Variants in TMEM154 observed in about 807,000 individuals in gnomAD.
TMEM154 encodes transmembrane protein 154.
A neutral mutation model predicts 24.5 loss-of-function variants in TMEM154; 27 were observed. The ratio of observed to expected loss-of-function variants is 1.10; its 90% CI spans 0.81 to 1.52. The LOEUF is 1.52. Among genes scored for constraint, TMEM154 ranks in the 40% most tolerant of loss-of-function variants. TMEM154 has a pLI of 0.00. For synonymous variants in TMEM154, 67 were observed against 76.8 expected (o/e 0.87, Z 0.67); for missense variants, 228 against 213.4 (o/e 1.07, Z -0.43).
rs1456791860 is a variant in TMEM154, at chr4:152,626,276, G to C, written c.*2270C>G. 6.6e-6 allele frequency: 1 copy of C among 152,572 alleles called. No homozygotes were observed. The highest frequency in any genetic ancestry group is 1.5e-5 in the Non-Finnish European group (1 of 68,044). 9.5% of individuals were successfully genotyped at this position (152,572 alleles called of 1,614,324 possible). On this transcript the variant is annotated 3_prime_UTR_variant, in exon 7 of 7. Transcript: ENST00000304385. The stretch of plus-strand genomic sequence containing the variant: ...TTGTTCTGATTGCCCTATCCAATTA[G>C]GGCAAATTAGTGAGGGTTTTTTTGG...
In TMEM154 at chr4:152,631,724, G is replaced by A. The variant is rs192462165; in HGVS notation, c.537-3163C>T. Among the ~76,000 whole-genome samples, 8 of 150,580 alleles carry A rather than the reference G, an allele frequency of 5.3e-5. No individual in the cohort carries two copies. The South Asian group carries it at 1.7e-3, about 32-fold the overall frequency. On this transcript the variant is annotated intron_variant, in intron 6 of 6. Coordinates refer to ENST00000304385, the MANE Select transcript of TMEM154 (RefSeq NM_152680.3). ...GGGGTTACAGGTGTGAGCCACCATG[G>A]CCAGCCAGCCTATTGTGTTTTTTGA...
chr4:152,646,905 A>T (rs1282895625), intron 3 of TMEM154: 1 of 701,774 alleles, frequency 1.4e-6, no homozygotes, highest in Non-Finnish European at 2.6e-6. Context: ...GCCTGTTTAA[A>T]GGGGTAGTTT....
Position 152,679,916 on chromosome 4 carries a change from T to G in TMEM154, c.18A>C (p.Ala6=). The change falls in exon 1 of 7, where the codon GCA becomes GCC. Residue 6 remains alanine, a synonymous_variant. Transcript: ENST00000304385. MQAPR[A]ALVFALVIAL... is the part of the protein sequence containing the mutation. ...CGATCACCAGGGCGAAGACTAGGGC[T>G]GCGCGGGGAGCCTGCATGTCCGCTC... The G allele has an allele frequency of 6.2e-7, 1 of 1,610,698 alleles. No homozygotes were observed. Among genetic ancestry groups the G allele is most frequent in the African/African-American group, 1.3e-5 (1 of 75,054 alleles).
rs4312739 is a variant in TMEM154 at position 152,626,318 on chromosome 4, T to C, written c.*2228A>G. 0.95 allele frequency: 145,323 copies of C among 152,574 alleles called. 69,314 individuals are homozygous for C. The highest frequency in any genetic ancestry group is 0.98 in the Non-Finnish European group (66,382 of 68,014). The allele number at this position is 152,574 out of a possible 1,614,324, so 9.5% of individuals were successfully genotyped here. ...TTTTTTTGGTTTTTGTTTTGTTTTT[T>C]TAACAATAGTCTGAAACATAAAATT... On this transcript the variant is annotated 3_prime_UTR_variant, in exon 7 of 7. Transcript: ENST00000304385.
At chr4:152,645,017 C>A (rs1752331165) in intron 3 of TMEM154, among the ~76,000 whole-genome samples, 1 of 152,216 alleles carries the variant, frequency 6.6e-6, no homozygotes, top group South Asian at 2.1e-4. Flanking sequence ...CCCACCTACT[C>A]TATTTAAAGA....
At chr4:152,673,078 C>T (rs6535859) in intron 1 of TMEM154, among the ~76,000 whole-genome samples, 21,553 of 152,040 alleles carry the variant, frequency 0.14, 2,470 homozygotes, top group African/African-American at 0.32. Context: ...GCCCTCATTA[C>T]ACCCCTCCCT....
chr4:152,655,065 G>A (rs1407995888), intron 1 of TMEM154, among the ~76,000 whole-genome samples: 1 of 151,880 alleles, frequency 6.6e-6, no homozygotes, highest in African/African-American at 2.4e-5. Context: ...AGAGTGGAGG[G>A]GCTTCAAAAT....
At chr4:152,665,756 G>A (rs1728706515) in intron 1 of TMEM154, among the ~76,000 whole-genome samples, 1 of 150,062 alleles carries the variant, frequency 6.7e-6, no homozygotes, top group African/African-American at 2.5e-5. Context: ...AGTTTCTGAT[G>A]TAATAGGTCT....
chr4:152,647,194 T>C, intron 3 of TMEM154: 1 of 972,318 alleles, frequency 1.0e-6, no homozygotes, highest in Non-Finnish European at 1.2e-6. Flanking sequence ...CCAAGTGCAG[T>C]AAGAAACAGT....
At chr4:152,653,767 G>T (rs1421595279) in intron 1 of TMEM154, among the ~76,000 whole-genome samples, 1 of 151,988 alleles carries the variant, frequency 6.6e-6, no homozygotes, top group African/African-American at 2.4e-5. Flanking sequence ...TGCCGGGCAT[G>T]GTGGTTCACG....
At position 152,647,300 on chromosome 4, in the gene TMEM154, A is replaced by G. The variant is rs759116404; in HGVS notation, c.365-2858T>C. On this transcript the variant is annotated intron_variant, in intron 3 of 6. Coordinates refer to ENST00000304385, the MANE Select transcript of TMEM154 (RefSeq NM_152680.3). ...GGAGCTTTCCAAGCAAAACGCTGGT[A>G]TGACCTTCCATGATAGTTGTATTTT... is the stretch of plus-strand genomic sequence containing the variant. The G allele has an allele frequency of 4.1e-4, 407 of 985,256 alleles. 1 individual carries two copies. Among genetic ancestry groups the G allele is most frequent in the Admixed American group, 4.9e-4 (8 of 16,260 alleles). The allele number at this position is 985,256 out of a possible 1,614,324, so 61.0% of individuals were successfully genotyped here. A position where few individuals can be genotyped will look rare whatever the true frequency, so the allele number is the denominator to read the frequency against.
At chr4:152,648,665 G>T (rs1188327080) in intron 3 of TMEM154, among the ~76,000 whole-genome samples, 1 of 152,214 alleles carries the variant, frequency 6.6e-6, no homozygotes, top group African/African-American at 2.4e-5. Flanking sequence ...TTAGAGTGGA[G>T]GATGCATGGA....
In TMEM154 at chr4:152,621,747, T is replaced by G. The variant is rs1299800401; in HGVS notation, c.*6799A>C. 1 of 152,182 alleles carries G rather than the reference T, an allele frequency of 6.6e-6. No individual in the cohort carries two copies. The highest frequency in any genetic ancestry group is 6.5e-5 in the Admixed American group (1 of 15,270). 9.4% of individuals were successfully genotyped at this position (152,182 alleles called of 1,614,324 possible). On this transcript the variant is annotated 3_prime_UTR_variant, in exon 7 of 7. Transcript: ENST00000304385. ...TCAAGGTGTGAGATGAGGTTAAAAT[T>G]AAAGGCATGAAGAAAAGTGAGTAAT...
intron 6 of TMEM154, 123 bp downstream of exon 6, chr4:152,640,805 C>A (rs1353815846): frequency 2.5e-6 from 2 of 785,116 alleles, no homozygotes; most frequent in Non-Finnish European, 2.1e-6. Context: ...CATATCCAGC[C>A]GCGTAAATGA....
rs1728412699 is a variant in TMEM154 at position 152,652,790 on chromosome 4, C to G, written c.202G>C (p.Ala68Pro). Reference sequence around the variant, plus strand: ...AACTCTAACTGATTTTCATCCGGAGCAAAGTTGGTAGAATTTATATTTGCA... The same window carrying G: ...AACTCTAACTGATTTTCATCCGGAGGAAAGTTGGTAGAATTTATATTTGCA... ...LNANINSTNFAPDENQLEFIL... is the reference protein window; with the variant it reads ...LNANINSTNFPPDENQLEFIL... The change falls in exon 2 of 7, where the codon GCT becomes CCT. Residue 68 changes from alanine to proline, a missense_variant. By Grantham distance (27) the Ala-to-Pro change is conservative. Transcript: ENST00000304385. 6.2e-7 allele frequency: 1 copy of G among 1,614,022 alleles called. No homozygotes were observed. The highest frequency in any genetic ancestry group is 8.5e-7 in the Non-Finnish European group (1 of 1,179,982).
At chr4:152,633,488 G>T (rs1451436851) in intron 6 of TMEM154, among the ~76,000 whole-genome samples, 1 of 152,164 alleles carries the variant, frequency 6.6e-6, no homozygotes. Context: ...AATAAACCTA[G>T]ACATTTTTAA....
Position 152,644,421 on chromosome 4 carries a change from A to C in TMEM154, c.386T>G (p.Val129Gly), listed in dbSNP as rs761728172. 1 of 1,614,176 alleles carries C rather than the reference A, an allele frequency of 6.2e-7. No individual in the cohort carries two copies. Among genetic ancestry groups the C allele is most frequent in the South Asian group, 1.1e-5 (1 of 91,088 alleles). ...LQTYELGSENVKVPIFEEDTP... is the reference protein window; with the variant it reads ...LQTYELGSENGKVPIFEEDTP... Reference sequence around the variant, plus strand: ...AGCAGCAGGGAAAACTTACACTTTCACGTTTTCACTTCCCAGTTCATCTAA... The same window carrying C: ...AGCAGCAGGGAAAACTTACACTTTCCCGTTTTCACTTCCCAGTTCATCTAA... The change falls in exon 4 of 7, where the codon GTG becomes GGG. Residue 129 changes from valine (V) to glycine (G), a missense_variant. By Grantham distance (109) the Val-to-Gly change is moderately radical. Transcript: ENST00000304385.
At chr4:152,648,042 GAGAA>G (rs1422994188) in intron 3 of TMEM154, among the ~76,000 whole-genome samples, 2 of 152,138 alleles carry the variant, frequency 1.3e-5, no homozygotes, top group East Asian at 3.8e-4. Context: ...GAAGAAAAAA[GAGAA>G]GGAAGGAAGG....
intron 1 of TMEM154, among the ~76,000 whole-genome samples, chr4:152,673,193 C>G (rs983881707): frequency 2.4e-4 from 36 of 152,004 alleles, no homozygotes; most frequent in African/African-American, 8.7e-4. Flanking sequence ...CAATATATAG[C>G]GTAATTTTGG....
Sources: gnomAD v4.1 joint callset for allele counts (sites outside exome capture counted in the v4.1 genomes callset) on GRCh38, gnomAD v4.1.1 for gene constraint, MANE v1.5 for transcripts, NCBI Gene and HGNC (gene_info 2026-07-23, HGNC 2026-07-21) for gene names.